GRM8: variants seen among roughly 807,000 people sequenced by gnomAD.
GRM8 encodes the protein metabotropic glutamate receptor 8.
Under a neutral mutation model 87.2 loss-of-function variants are expected in GRM8, and 47 were observed. The observed-to-expected ratio is 0.54, with a 90% CI of 0.43 to 0.69. The LOEUF is 0.69. Among genes scored for constraint, GRM8 ranks in the 30% least tolerant of loss-of-function variants. GRM8 has a pLI of 0.00. For missense variants in GRM8, 1,019 were observed against 1,139.2 expected (o/e 0.89, Z 1.52); for synonymous variants, 396 against 404.5 (o/e 0.98, Z 0.25).
intron 6 of GRM8, among the ~76,000 whole-genome samples, chr7:126,881,273 A>C (rs1007633125): frequency 3.3e-5 from 5 of 152,238 alleles, no homozygotes; most frequent in African/African-American, 1.2e-4. Context: ...TACTACCCTT[A>C]GGGATAAACA....
intron 3 of GRM8, among the ~76,000 whole-genome samples, chr7:127,068,019 A>G (rs1371490577): frequency 6.6e-6 from 1 of 152,182 alleles, no homozygotes; most frequent in Non-Finnish European, 1.5e-5. Flanking sequence ...GAAAGCACAC[A>G]ACAGAGCAGA....
At chr7:126,725,937 C>A (rs544668787) in intron 7 of GRM8, among the ~76,000 whole-genome samples, 1 of 152,304 alleles carries the variant, frequency 6.6e-6, no homozygotes, top group Non-Finnish European at 1.5e-5. Flanking sequence ...CTAAGCCATT[C>A]ATGAGGGATC....
rs559706588 is a variant in GRM8 at position 126,663,090 on chromosome 7, C to T, written c.1358-53592G>A. Among the ~76,000 whole-genome samples the T allele has an allele frequency of 3.3e-5, 5 of 152,306 alleles. No individual in the cohort carries two copies. The South Asian group carries it at 1.0e-3, about 32-fold the overall frequency. ...TCTGGCATAGCTATTAATAGACCTCCTTTCCATTTTAAAAGATTTTAAGCA... is the reference window on the plus strand; with the variant it reads ...TCTGGCATAGCTATTAATAGACCTCTTTTCCATTTTAAAAGATTTTAAGCA... On this transcript the variant is annotated intron_variant, in intron 7 of 10. Coordinates refer to ENST00000339582, the MANE Select transcript of GRM8 (RefSeq NM_000845.3).
At chr7:126,688,278 A>T (rs1339426147) in intron 7 of GRM8, among the ~76,000 whole-genome samples, 3 of 152,232 alleles carry the variant, frequency 2.0e-5, no homozygotes, top group Non-Finnish European at 4.4e-5. Context: ...TAAAGTGAAT[A>T]TTGGAAACAT....
At chr7:126,976,682 T>C (rs1342658298) in intron 3 of GRM8, among the ~76,000 whole-genome samples, 1 of 152,214 alleles carries the variant, frequency 6.6e-6, no homozygotes, top group African/African-American at 2.4e-5. Flanking sequence ...AGGATAACAC[T>C]GATTTTATTA....
At chr7:126,561,804 G>C (rs1793734654) in intron 8 of GRM8, among the ~76,000 whole-genome samples, 1 of 118,676 alleles carries the variant, frequency 8.4e-6, no homozygotes, top group African/African-American at 3.3e-5. Context: ...AGTCCCCAGT[G>C]TGTGATGTTC....
chr7:126,680,707 C>T (rs1807451561), intron 7 of GRM8, among the ~76,000 whole-genome samples: 1 of 152,166 alleles, frequency 6.6e-6, no homozygotes, highest in African/African-American at 2.4e-5. Flanking sequence ...TGCTGACTAA[C>T]ATTATTAGTA....
At chr7:127,117,401 G>T (rs73720665) in intron 2 of GRM8, among the ~76,000 whole-genome samples, 1,977 of 152,306 alleles carry the variant, frequency 0.013, 35 homozygotes, top group African/African-American at 0.044. Context: ...ATCCCAGGGA[G>T]ACATGGAGAA....
At chr7:127,068,572 C>A (rs1821359759) in intron 3 of GRM8, among the ~76,000 whole-genome samples, 1 of 152,208 alleles carries the variant, frequency 6.6e-6, no homozygotes, top group Non-Finnish European at 1.5e-5. Context: ...AGAAGGATTT[C>A]TTCCTAGAAA....
chr7:126,987,792 T>G (rs911131060), intron 3 of GRM8, among the ~76,000 whole-genome samples: 4 of 152,154 alleles, frequency 2.6e-5, no homozygotes, highest in African/African-American at 9.7e-5. Context: ...CTCCAACACA[T>G]GTACCTGAGC....
intron 3 of GRM8, among the ~76,000 whole-genome samples, chr7:127,025,247 G>C (rs1057486872): frequency 6.6e-6 from 1 of 152,036 alleles, no homozygotes; most frequent in Admixed American, 6.6e-5. Flanking sequence ...TTTTGATAGA[G>C]AGTGGAGTGA....
intron 7 of GRM8, among the ~76,000 whole-genome samples, chr7:126,766,981 T>G (rs1818265885): frequency 1.3e-5 from 2 of 152,174 alleles, no homozygotes; most frequent in African/African-American, 4.8e-5. Flanking sequence ...GTCTGCAGAT[T>G]GTATGTGTGC....
At chr7:126,568,067 T>C (rs1794390039) in intron 8 of GRM8, among the ~76,000 whole-genome samples, 1 of 152,156 alleles carries the variant, frequency 6.6e-6, no homozygotes, top group South Asian at 2.1e-4. Context: ...ATTAAAATTA[T>C]TTGGTAAACT....
chr7:126,967,544 C>G (rs555052081), intron 3 of GRM8, among the ~76,000 whole-genome samples: 3 of 71,152 alleles, frequency 4.2e-5, no homozygotes, highest in African/African-American at 2.0e-4. Context: ...AAATCTACAT[C>G]CCTTGAGAAA....
chr7:126,728,941 C>A (rs748803781), intron 7 of GRM8, among the ~76,000 whole-genome samples: 19 of 152,200 alleles, frequency 1.2e-4, no homozygotes, highest in Non-Finnish European at 2.6e-4. Flanking sequence ...CTCACCACTT[C>A]ATTTCCTTCA....
In GRM8 at chr7:127,201,131, T is replaced by A. The variant is rs377149348; in HGVS notation, c.510+41564A>T. Among the ~76,000 whole-genome samples, 13 of 152,326 alleles carry A rather than the reference T, an allele frequency of 8.5e-5. No homozygotes were observed. In the East Asian group the frequency reaches 1.3e-3, roughly 16 times the overall value. On this transcript the variant is annotated intron_variant, in intron 2 of 10. Transcript: ENST00000339582. ...GCACAAATACTCATTCTCACACAAGTAGGCAGGGTGACTGGTCTCTTTTTA... is the reference window on the plus strand; with the variant it reads ...GCACAAATACTCATTCTCACACAAGAAGGCAGGGTGACTGGTCTCTTTTTA...
chr7:127,223,443 G>GCACACACACACGCA lies in GRM8; in HGVS notation c.510+19251_510+19252insTGCGTGTGTGTGTG, dbSNP rs1797080729. On this transcript the variant is annotated intron_variant, in intron 2 of 10. Transcript: ENST00000339582. ...CTCGAAACACACCACACACACACACGCACACACACACACACACACACACAC... is the reference window on the plus strand; with the variant it reads ...CTCGAAACACACCACACACACACACGCACACACACACGCACACACACACACACACACACACACAC... Among the ~76,000 whole-genome samples, 3 of 143,980 alleles carry GCACACACACACGCA rather than the reference G, an allele frequency of 2.1e-5. No individual in the cohort carries two copies. In the South Asian group the frequency reaches 7.0e-4, roughly 33 times the overall value. The allele number at this position is 143,980 out of a possible 152,430, so 94.5% of individuals were successfully genotyped here.
At chr7:127,047,340 T>C (rs1228805359) in intron 3 of GRM8, among the ~76,000 whole-genome samples, 1 of 152,154 alleles carries the variant, frequency 6.6e-6, no homozygotes, top group East Asian at 1.9e-4. Context: ...TGTTACAACT[T>C]TCACTCTAAA....
At chr7:127,108,205 A>G (rs952133536) in intron 2 of GRM8, among the ~76,000 whole-genome samples, 2 of 151,996 alleles carry the variant, frequency 1.3e-5, no homozygotes, top group African/African-American at 4.8e-5. Flanking sequence ...GTACATGACT[A>G]CTCGCAAGGA....
Sources: allele counts gnomAD v4.1 joint callset (sites outside exome capture counted in the v4.1 genomes callset), GRCh38; gene constraint gnomAD v4.1.1; transcripts MANE v1.5; gene names NCBI Gene and HGNC (gene_info 2026-07-23, HGNC 2026-07-21).